Variants in LGI3 observed in about 807,000 individuals in gnomAD.
LGI3 encodes leucine rich repeat LGI family member 3, also known as leucine-rich repeat LGI family member 3.
In LGI3, 47 loss-of-function variants were observed where a neutral mutation model predicts 55.4. That is an observed-to-expected ratio of 0.85 (90% CI 0.67 to 1.08). The LOEUF is 1.08. Among genes scored for constraint, LGI3 ranks in the 50% least tolerant of loss-of-function variants. The probability of loss-of-function intolerance (pLI) is 0.00; values close to 1 mark genes in which losing one functional copy is unlikely to be tolerated. For synonymous variants in LGI3, 326 were observed against 315.0 expected, an observed-to-expected ratio of 1.04 and a Z score of -0.37; for missense variants, 664 against 726.3, an observed-to-expected ratio of 0.91 and a Z score of 0.99.
intron 7 of LGI3, 145 bp downstream of exon 7, chr8:22,151,344 C>A: frequency 2.6e-6 from 2 of 758,120 alleles, no homozygotes; most frequent in Non-Finnish European, 4.4e-6. Flanking sequence ...ACATTGGCCT[C>A]TTCCCAAAGA....
In LGI3 at chr8:22,155,435, T is replaced by A; in HGVS notation, c.235A>T (p.Ile79Phe). The A allele has an allele frequency of 6.2e-7, 1 of 1,613,838 alleles. No homozygotes were observed. Among genetic ancestry groups the A allele is most frequent in the Non-Finnish European group, 8.5e-7 (1 of 1,179,986 alleles). Residue 79 changes from isoleucine (I) to phenylalanine (F), a missense_variant, in exon 2 of 8, where the codon ATC (isoleucine) becomes TTC (phenylalanine). Ile to Phe is a conservative substitution (Grantham distance 21). Transcript: ENST00000306317. ...AGGTGGGAGAACGCTCCATCCTGGATCTCTGAGAAGGCGGCATTCACCAGG... is the reference window on the plus strand; with the variant it reads ...AGGTGGGAGAACGCTCCATCCTGGAACTCTGAGAAGGCGGCATTCACCAGG... The part of the protein sequence containing the change: ...LTLVNAAFSE[I>F]QDGAFSHLPL...
chr8:22,150,032 C>T (rs148590639), intron 7 of LGI3, among the ~76,000 whole-genome samples: 1 of 152,294 alleles, frequency 6.6e-6, no homozygotes, highest in African/African-American at 2.4e-5. Flanking sequence ...TCAGCTGTGG[C>T]TCCACTAGTC....
In LGI3 at chr8:22,148,512, C is replaced by T. The variant is rs761070041; in HGVS notation, c.1295G>A (p.Gly432Asp). The T allele has an allele frequency of 9.3e-6, 15 of 1,613,378 alleles. No homozygotes were observed. The highest frequency in any genetic ancestry group is 1.3e-5 in the Non-Finnish European group (15 of 1,179,994). ...DAQAVKHFRA[G>D]RDSYLCLSRY... is the part of the protein sequence containing the mutation. ...GCTGAGGCACAGGTAGCTGTCGCGG[C>T]CGGCACGAAAGTGTTTCACAGCTTG... The change falls in exon 8 of 8, where the codon GGC becomes GAC. Residue 432 changes from glycine to aspartate, a missense_variant. By Grantham distance (94) the Gly-to-Asp change is moderately conservative (BLOSUM62 -1). Coordinates refer to ENST00000306317, the MANE Select transcript of LGI3 (RefSeq NM_139278.4). This position sits in a 1 kb window ranked among gnomAD's most constrained non-coding sequence, Gnocchi z 7.0.
intron 1 of LGI3, 159 bp from the exon 2 acceptor site, chr8:22,155,622 C>T: frequency 1.5e-6 from 1 of 646,486 alleles, no homozygotes; most frequent in Non-Finnish European, 2.8e-6. Flanking sequence ...CCTTCTCCTC[C>T]CAAATTCACT....
chr8:22,156,182 G>A (rs551672543), intron 1 of LGI3, among the ~76,000 whole-genome samples, 155 bp downstream of exon 1: 41 of 152,270 alleles, frequency 2.7e-4, no homozygotes, highest in Non-Finnish European at 4.9e-4. Context: ...CTCCCTGCCC[G>A]ACTGGTGCCT....
intron 7 of LGI3, among the ~76,000 whole-genome samples, chr8:22,151,142 T>A (rs1827372356): frequency 6.6e-6 from 1 of 152,148 alleles, no homozygotes; most frequent in African/African-American, 2.4e-5. Context: ...TCTAATTACG[T>A]AAGCCAGAAA....
At chr8:22,149,295 G>T (rs766446839) in intron 7 of LGI3, among the ~76,000 whole-genome samples, 2 of 152,132 alleles carry the variant, frequency 1.3e-5, no homozygotes, top group African/African-American at 2.4e-5. Flanking sequence ...TTTTTATTGC[G>T]TGCAGTCACT....
rs576963335 is a variant in LGI3 at position 22,148,793 on chromosome 8, G to A, written c.1014C>T (p.Asp338=). 4.4e-5 allele frequency: 71 copies of A among 1,614,210 alleles called. 1 individual carries two copies. The highest frequency in any genetic ancestry group is 2.9e-4 in the African/African-American group (22 of 75,062). The change falls in exon 8 of 8, where the codon GAC becomes GAT. Residue 338 remains aspartate (D), a synonymous_variant. Transcript: ENST00000306317. This position sits in a 1 kb window ranked among gnomAD's most constrained non-coding sequence, Gnocchi z 7.0. ...KPNDLEAFRI[D]GDWYFAVADS... ...CAGCCACGGCAAAGTACCAGTCACC[G>A]TCGATGCGGAAGGCTTCTAGGTCGT...
In LGI3 at chr8:22,148,068, G is replaced by T; in HGVS notation, c.*92C>A. The T allele has an allele frequency of 1.8e-6, 2 of 1,118,994 alleles. No homozygotes were observed. The highest frequency in any genetic ancestry group is 2.6e-6 in the Non-Finnish European group (2 of 783,030). 69.3% of individuals were successfully genotyped at this position (1,118,994 alleles called of 1,614,324 possible). ...ACAAGGGCATGAATGCAGGTTGGTCGCTTGTCTTCACACAGGCATACGTGG... is the reference window on the plus strand; with the variant it reads ...ACAAGGGCATGAATGCAGGTTGGTCTCTTGTCTTCACACAGGCATACGTGG... On this transcript the variant is annotated 3_prime_UTR_variant, in exon 8 of 8. Coordinates refer to ENST00000306317, the MANE Select transcript of LGI3 (RefSeq NM_139278.4). This position sits in a 1 kb window ranked among gnomAD's most constrained non-coding sequence, Gnocchi z 7.0.
At chr8:22,155,072 G>T in intron 2 of LGI3, 1 of 443,410 alleles carries the variant, frequency 2.3e-6, no homozygotes, top group Non-Finnish European at 4.1e-6. Flanking sequence ...CTCTAAGATG[G>T]CCCCACAGTG....
chr8:22,148,547 C>A lies in LGI3; in HGVS notation c.1260G>T (p.Val420=). 1 of 1,613,842 alleles carries A rather than the reference C, an allele frequency of 6.2e-7. No homozygotes were observed. Among genetic ancestry groups the A allele is most frequent in the Non-Finnish European group, 8.5e-7 (1 of 1,180,024 alleles). Residue 420 remains valine, a synonymous_variant, in exon 8 of 8, where the codon GTG becomes GTT. Coordinates refer to ENST00000306317, the MANE Select transcript of LGI3 (RefSeq NM_139278.4). This position sits in a 1 kb window ranked among gnomAD's most constrained non-coding sequence, Gnocchi z 7.0. ...AGTGTTTCACAGCTTGGGCATCAGGCACCTGGGTCACCTCACCCTGGGCCA... is the reference window on the plus strand; with the variant it reads ...AGTGTTTCACAGCTTGGGCATCAGGAACCTGGGTCACCTCACCCTGGGCCA... ...QFVAQGEVTQ[V]PDAQAVKHFR...
intron 5 of LGI3, 98 bp downstream of exon 5, chr8:22,153,870 C>G: frequency 7.7e-7 from 1 of 1,301,848 alleles, no homozygotes; most frequent in South Asian, 1.2e-5. Context: ...CCCAGCCTCT[C>G]AAGACCTTAT....
intron 1 of LGI3, 130 bp from the exon 2 acceptor site, chr8:22,155,593 C>G: frequency 1.3e-6 from 1 of 757,938 alleles, no homozygotes; most frequent in Non-Finnish European, 2.3e-6. Flanking sequence ...CTAATTTAGC[C>G]CCCATCTGTG....
chr8:22,153,041 CTCTG>C (rs1827400389), intron 5 of LGI3, among the ~76,000 whole-genome samples: 1 of 143,784 alleles, frequency 7.0e-6, no homozygotes, highest in Non-Finnish European at 1.5e-5. Flanking sequence ...CAGAGCGAGA[CTCTG>C]TCTAAAAAAA....
At position 22,149,713 on chromosome 8, in the gene LGI3, G is replaced by A. The variant is rs76402539; in HGVS notation, c.830-736C>T. On this transcript the variant is annotated intron_variant, in intron 7 of 7. Transcript: ENST00000306317. ...GTCCCAGGGTCTTCAGCTGCTGCCC[G>A]GCATCTCCACTTTGACATCCCCAGT... Among the ~76,000 whole-genome samples, 794 of 152,104 alleles carry A rather than the reference G, an allele frequency of 5.2e-3. 5 individuals carry two copies. Among genetic ancestry groups the A allele is most frequent in the African/African-American group, 0.018 (753 of 41,458 alleles).
At chr8:22,149,089 C>T (rs73225818) in intron 7 of LGI3, 112 bp from the exon 8 acceptor site, 183 of 681,502 alleles carry the variant, frequency 2.7e-4, no homozygotes, top group Non-Finnish European at 2.1e-4. Context: ...TAAGACTCTG[C>T]GCTATACCAT....
At chr8:22,154,388 A>T in intron 3 of LGI3, 172 bp downstream of exon 3, 1 of 777,874 alleles carries the variant, frequency 1.3e-6, no homozygotes, top group South Asian at 1.6e-5. Flanking sequence ...GGCAAAATGA[A>T]TGAAACGACC....
chr8:22,153,861 C>T (rs1827448891), intron 5 of LGI3, 107 bp downstream of exon 5: 1 of 1,189,506 alleles, frequency 8.4e-7, no homozygotes, highest in Non-Finnish European at 1.2e-6. Flanking sequence ...CCAAGCCTTC[C>T]CAGCCTCTCA....
intron 5 of LGI3, among the ~76,000 whole-genome samples, chr8:22,153,711 T>TAAA (rs534582339): frequency 1.1e-4 from 14 of 130,290 alleles, no homozygotes; most frequent in African/African-American, 4.0e-4. Flanking sequence ...CGTCTATAAT[T>TAAA]AAAAAAAAAA....
Sources: gnomAD v4.1 joint callset for allele counts (sites outside exome capture counted in the v4.1 genomes callset) on GRCh38, gnomAD v4.1.1 for gene constraint, Gnocchi (gnomAD v3.1) non-coding constraint, MANE v1.5 for transcripts, NCBI Gene and HGNC (gene_info 2026-07-23, HGNC 2026-07-21) for gene names.